MYH7: variants seen among roughly 807,000 people sequenced by gnomAD.
MYH7 encodes the protein myosin heavy chain 7.
MYH7 carries 129 observed loss-of-function variants against 225.4 expected under a neutral mutation model. The observed-to-expected ratio is 0.57, with a 90% CI of 0.50 to 0.66. The LOEUF is 0.66. Ranked by LOEUF, MYH7 falls within the 30% of genes least tolerant of loss-of-function variation. MYH7 has a pLI of 0.00. For synonymous variants in MYH7, 971 were observed against 1,007.6 expected (o/e 0.96, Z 0.69); for missense variants, 1,649 against 2,517.0 (o/e 0.66, Z 7.38).
At position 23,426,865 on chromosome 14, in the gene MYH7, C is replaced by A. The variant is rs2138670367; in HGVS notation, c.1957-1G>T. 1 of 1,613,784 alleles carries A rather than the reference C, an allele frequency of 6.2e-7. No homozygotes were observed. Among genetic ancestry groups the A allele is most frequent in the South Asian group, 1.1e-5 (1 of 91,052 alleles). On this transcript the variant is annotated splice_acceptor_variant, in intron 17 of 39. Transcript: ENST00000355349. LOFTEE classifies it high-confidence loss of function. ...TGGTCATCAGCTTGTTCAGATTTTC[C>A]TGTGGCCAAAAATGCAATAGAGAAA...
chr14:23,415,908 C>T lies in MYH7; in HGVS notation c.4954-76G>A. 1 of 1,613,316 alleles carries T rather than the reference C, an allele frequency of 6.2e-7. No homozygotes were observed. The highest frequency in any genetic ancestry group is 8.5e-7 in the Non-Finnish European group (1 of 1,179,534). On this transcript the variant is annotated intron_variant, in intron 34 of 39. Coordinates refer to ENST00000355349, the MANE Select transcript of MYH7 (RefSeq NM_000257.4). This position sits in a 1 kb window ranked among gnomAD's most constrained non-coding sequence, Gnocchi z 6.3. ...CACTAAAGGCACCTGTCAGAGGTCCCTGCAGTAACCTAGGGGCAGGAGGAA... is the reference window on the plus strand; with the variant it reads ...CACTAAAGGCACCTGTCAGAGGTCCTTGCAGTAACCTAGGGGCAGGAGGAA...
At chr14:23,417,978 G>A (rs371255947) in intron 30 of MYH7, 27 of 890,196 alleles carry the variant, frequency 3.0e-5, no homozygotes, top group African/African-American at 2.1e-4. Flanking sequence ...TGCCCCAGAC[G>A]GAAGCACTCT....
chr14:23,433,485 G>C lies in MYH7; in HGVS notation c.201+47C>G, dbSNP rs377196087. The C allele has an allele frequency of 4.5e-5, 72 of 1,591,404 alleles. No homozygotes were observed. The highest frequency in any genetic ancestry group is 6.0e-5 in the Non-Finnish European group (70 of 1,162,414). ...GGGTGTACCCCTCTCTGTCCACCCA[G>C]GTGTACAGGTGGCCAGGGTGGACTC... On this transcript the variant is annotated intron_variant, in intron 3 of 39. Transcript: ENST00000355349. This position sits in a 1 kb window ranked among gnomAD's most constrained non-coding sequence, Gnocchi z 4.1.
intron 25 of MYH7, among the ~76,000 whole-genome samples, chr14:23,421,311 A>G (rs1469883630): frequency 6.6e-6 from 1 of 152,216 alleles, no homozygotes; most frequent in Admixed American, 6.5e-5. Flanking sequence ...TTGTTTTCTC[A>G]TAATGTAAAA....
In MYH7 at chr14:23,425,598, T is replaced by C; in HGVS notation, c.2286+97A>G. The C allele has an allele frequency of 6.2e-7, 1 of 1,601,574 alleles. No homozygotes were observed. The highest frequency in any genetic ancestry group is 1.7e-5 in the Admixed American group (1 of 59,832). ...TCCACTGGGAGGGGTAGCATACAGG[T>C]AAGAGATTTTGCTAAGATGATTACA... On this transcript the variant is annotated intron_variant, in intron 20 of 39. Coordinates refer to ENST00000355349, the MANE Select transcript of MYH7 (RefSeq NM_000257.4). The surrounding 1 kb of genome is among the most constrained non-coding windows in gnomAD (Gnocchi z 4.6).
At position 23,425,119 on chromosome 14, in the gene MYH7, C is replaced by G. The variant is rs1490667462; in HGVS notation, c.2424-95G>C. 6 of 1,607,690 alleles carry G rather than the reference C, an allele frequency of 3.7e-6. No individual in the cohort carries two copies. In the African/African-American group the frequency reaches 6.7e-5, roughly 18 times the overall value. ...GAATATCCCATTTCCTTCATCCCTC[C>G]CACCCTTCCTGAGGCCTCTGACCCT... On this transcript the variant is annotated intron_variant, in intron 21 of 39. Coordinates refer to ENST00000355349, the MANE Select transcript of MYH7 (RefSeq NM_000257.4). This position sits in a 1 kb window ranked among gnomAD's most constrained non-coding sequence, Gnocchi z 4.6.
rs771244641 is a variant in MYH7, at chr14:23,425,135, C to T, written c.2424-111G>A. The stretch of plus-strand genomic sequence containing the variant: ...TCATCCCTCCCACCCTTCCTGAGGC[C>T]TCTGACCCTGTGACTGCAGTGTGTT... On this transcript the variant is annotated intron_variant, in intron 21 of 39. Coordinates refer to ENST00000355349, the MANE Select transcript of MYH7 (RefSeq NM_000257.4). The surrounding 1 kb of genome is among the most constrained non-coding windows in gnomAD (Gnocchi z 4.6). The T allele has an allele frequency of 2.2e-5, 35 of 1,602,906 alleles. No homozygotes were observed. The highest frequency in any genetic ancestry group is 2.8e-5 in the Non-Finnish European group (33 of 1,171,778).
At position 23,425,027 on chromosome 14, in the gene MYH7, G is replaced by T. The variant is rs112261878; in HGVS notation, c.2424-3C>A. 4.3e-6 allele frequency: 7 copies of T among 1,614,198 alleles called. No individual in the cohort carries two copies. The highest frequency in any genetic ancestry group is 5.9e-6 in the Non-Finnish European group (7 of 1,180,036). ...ACTGGATTACCAGCAGGGAGTCTCT[G>T]CAGGGGCCCATTGAAAGGAGTGCTG... On this transcript the variant is annotated splice_region_variant and splice_polypyrimidine_tract_variant and intron_variant, in intron 21 of 39. Transcript: ENST00000355349. The surrounding 1 kb of genome is among the most constrained non-coding windows in gnomAD (Gnocchi z 4.6).
rs765837145 is a variant in MYH7, at chr14:23,429,930, T to G, written c.1000-17A>C. 2 of 1,613,740 alleles carry G rather than the reference T, an allele frequency of 1.2e-6. No homozygotes were observed. The highest frequency in any genetic ancestry group is 1.1e-5 in the South Asian group (1 of 91,086). ...AAAAGCGTTCTGTAGGGAGGCCCCA[T>G]ATTGGCGGACCCCAGAAAAAGAAGT... On this transcript the variant is annotated splice_polypyrimidine_tract_variant and intron_variant, in intron 11 of 39. Transcript: ENST00000355349.
chr14:23,423,790 C>CTCCATGTCAAGG, intron 23 of MYH7, 67 bp from the exon 24 acceptor site: 1 of 1,613,276 alleles, frequency 6.2e-7, no homozygotes, highest in Non-Finnish European at 8.5e-7. Flanking sequence ...CTGTGGGGAG[C>CTCCATGTCAAGG]TCCATGTCAA....
Position 23,427,911 on chromosome 14 carries a change from G to A in MYH7, c.1579-17C>T, listed in dbSNP as rs182949516. ...GCCCATGGGCTGAGGAAGCAGGAGA[G>A]AGCATCACTGAGTGTCCTTCACACA... On this transcript the variant is annotated splice_polypyrimidine_tract_variant and intron_variant, in intron 15 of 39. Transcript: ENST00000355349. The A allele has an allele frequency of 7.8e-4, 1,253 of 1,613,974 alleles. 11 individuals carry two copies. The African/African-American group carries it at 0.015, about 19-fold the overall frequency.
At chr14:23,424,239 G>A (rs1416043535) in intron 22 of MYH7, 90 bp from the exon 23 acceptor site, 1 of 1,544,826 alleles carries the variant, frequency 6.5e-7, no homozygotes, top group East Asian at 2.3e-5. Flanking sequence ...CACTCAAATA[G>A]GAGGGTAACT....
intron 25 of MYH7, chr14:23,421,856 C>T: frequency 1.2e-6 from 1 of 866,816 alleles, no homozygotes; most frequent in Non-Finnish European, 1.4e-6. Context: ...TCATGTGGAG[C>T]CTTCCTCCAT....
Position 23,420,938 on chromosome 14 carries a change from C to A in MYH7, c.3336+20G>T, listed in dbSNP as rs374030900. On this transcript the variant is annotated intron_variant, in intron 26 of 39. Coordinates refer to ENST00000355349, the MANE Select transcript of MYH7 (RefSeq NM_000257.4). ...ACCAGCCCAGGGACTCAGCATCCCG[C>A]GTGGGTGTCCAGACCTCACCTGAAG... 6.2e-7 allele frequency: 1 copy of A among 1,604,248 alleles called. No homozygotes were observed. Among genetic ancestry groups the A allele is most frequent in the Non-Finnish European group, 8.5e-7 (1 of 1,172,970 alleles).
intron 33 of MYH7, among the ~76,000 whole-genome samples, 159 bp downstream of exon 33, chr14:23,416,709 C>T (rs1447237068): frequency 3.3e-5 from 5 of 152,206 alleles, no homozygotes; most frequent in Non-Finnish European, 5.9e-5. Context: ...GTCATTCATT[C>T]ACTCCACAAA....
intron 11 of MYH7, 48 bp downstream of exon 11, chr14:23,430,512 C>T (rs1315249899): frequency 1.3e-6 from 2 of 1,483,514 alleles, no homozygotes; most frequent in Non-Finnish European, 1.9e-6. Context: ...CCTGTTTGCC[C>T]CTCACTGCCA....
intron 17 of MYH7, 130 bp downstream of exon 17, chr14:23,427,109 GA>G: frequency 2.2e-6 from 2 of 910,826 alleles, no homozygotes; most frequent in Non-Finnish European, 3.5e-6. Context: ...AAGACAGAGT[GA>G]AAATGGTCCC....
At chr14:23,414,857 G>T in intron 37 of MYH7, 138 bp downstream of exon 37, 1 of 1,460,880 alleles carries the variant, frequency 6.8e-7, no homozygotes, top group South Asian at 1.2e-5. Flanking sequence ...AGTGGGGCAG[G>T]GCTAGGCAAA....
rs148560996 is a variant in MYH7 at position 23,433,168 on chromosome 14, G to T, written c.261C>A (p.Ile87=). ...GGAAGGTCAGCATGGCCATGTCCTCGATTTTGTCGAACTTGGGTGGGTTCT... is the reference window on the plus strand; with the variant it reads ...GGAAGGTCAGCATGGCCATGTCCTCTATTTTGTCGAACTTGGGTGGGTTCT... ...MQQNPPKFDK[I]EDMAMLTFLH... is the part of the protein sequence containing the mutation. The change falls in exon 4 of 40, where the codon ATC becomes ATA. Residue 87 remains isoleucine, a synonymous_variant. Transcript: ENST00000355349. The surrounding 1 kb of genome is among the most constrained non-coding windows in gnomAD (Gnocchi z 4.1). 1.9e-6 allele frequency: 3 copies of T among 1,614,062 alleles called. No homozygotes were observed. The East Asian group carries it at 6.7e-5, about 36-fold the overall frequency.
Sources: allele counts gnomAD v4.1 joint callset (sites outside exome capture counted in the v4.1 genomes callset), GRCh38; gene constraint gnomAD v4.1.1; non-coding constraint Gnocchi (gnomAD v3.1); transcripts MANE v1.5; gene names NCBI Gene and HGNC (gene_info 2026-07-23, HGNC 2026-07-21).